The following CHCHD3 variants were observed in gnomAD, a reference collection of about 807,000 sequenced individuals.
CHCHD3 encodes coiled-coil-helix-coiled-coil-helix domain containing 3.
CHCHD3 carries 20 observed loss-of-function variants against 38.2 expected under a neutral mutation model. The ratio of observed to expected loss-of-function variants is 0.52; its 90% CI spans 0.37 to 0.76. CHCHD3 has a LOEUF of 0.76. Ranked by LOEUF, CHCHD3 falls within the 30% of genes least tolerant of loss-of-function variation. CHCHD3 has a pLI of 0.00. For missense variants in CHCHD3, 245 were observed against 279.2 expected, an observed-to-expected ratio of 0.88 and a Z score of 0.87; for synonymous variants, 82 against 100.0, an observed-to-expected ratio of 0.82 and a Z score of 1.07.
intron 3 of CHCHD3, among the ~76,000 whole-genome samples, chr7:133,012,720 C>A (rs930247588): frequency 6.7e-6 from 1 of 149,940 alleles, no homozygotes; most frequent in Admixed American, 6.7e-5. Flanking sequence ...GCTGAGATTG[C>A]ACCACTGCAC....
chr7:132,985,751 C>T lies in CHCHD3; in HGVS notation c.252-10465G>A, dbSNP rs1421380838. Among the ~76,000 whole-genome samples the T allele has an allele frequency of 7.5e-5, 7 of 93,790 alleles. 2 individuals carry two copies. Among genetic ancestry groups the T allele is most frequent in the Non-Finnish European group, 1.4e-4 (6 of 44,130 alleles). 61.5% of individuals were successfully genotyped at this position (93,790 alleles called of 152,430 possible). A position where few individuals can be genotyped will look rare whatever the true frequency, so the allele number is the denominator to read the frequency against. On this transcript the variant is annotated intron_variant, in intron 3 of 7. Transcript: ENST00000262570. ...GAGGAGGGGAGGTCAGCCCCCCACC[C>T]GGCCAGCCACCCCGTCCGGGAGGGA...
chr7:133,060,776 G>A (rs2117519504), intron 2 of CHCHD3, among the ~76,000 whole-genome samples: 1 of 152,282 alleles, frequency 6.6e-6, no homozygotes, highest in East Asian at 1.9e-4. Context: ...CAGGCGTGGT[G>A]GCGGGAGCCT....
chr7:133,027,947 A>C (rs1813392398), intron 2 of CHCHD3, among the ~76,000 whole-genome samples: 1 of 152,170 alleles, frequency 6.6e-6, no homozygotes, highest in African/African-American at 2.4e-5. Context: ...TCCCCACCTA[A>C]AAATATGACA....
At chr7:132,821,794 C>T (rs577343473) in intron 6 of CHCHD3, among the ~76,000 whole-genome samples, 1 of 121,154 alleles carries the variant, frequency 8.3e-6, no homozygotes, top group East Asian at 2.5e-4. Context: ...CTCGCTCTGT[C>T]GTCCAGGCCG....
intron 6 of CHCHD3, among the ~76,000 whole-genome samples, chr7:132,827,764 A>G (rs1295679340): frequency 1.3e-5 from 2 of 152,224 alleles, no homozygotes; most frequent in Non-Finnish European, 2.9e-5. Flanking sequence ...CGTTTAAATG[A>G]ACCACATAGG....
In CHCHD3 at chr7:133,082,015, G is replaced by C; in HGVS notation, c.-78C>G. On this transcript the variant is annotated 5_prime_UTR_variant, in exon 1 of 8. Coordinates refer to ENST00000262570, the MANE Select transcript of CHCHD3 (RefSeq NM_017812.4). ...GGGCCCCCGCACCCACACGCGCGTGGAAGGGCCTGGATTCTTTTCCCGCAC... is the reference window on the plus strand; with the variant it reads ...GGGCCCCCGCACCCACACGCGCGTGCAAGGGCCTGGATTCTTTTCCCGCAC... The C allele has an allele frequency of 7.8e-7, 1 of 1,289,508 alleles. No individual in the cohort carries two copies. The highest frequency in any genetic ancestry group is 1.5e-5 in the South Asian group (1 of 68,256). The allele number at this position is 1,289,508 out of a possible 1,614,324, so 79.9% of individuals were successfully genotyped here. A position where few individuals can be genotyped will look rare whatever the true frequency, so the allele number is the denominator to read the frequency against.
At chr7:132,995,827 A>C (rs538596335) in intron 3 of CHCHD3, among the ~76,000 whole-genome samples, 1 of 152,284 alleles carries the variant, frequency 6.6e-6, no homozygotes, top group South Asian at 2.1e-4. Flanking sequence ...TACCATTTAA[A>C]CTAAAAACTA....
intron 4 of CHCHD3, among the ~76,000 whole-genome samples, chr7:132,894,645 G>A (rs1809448101): frequency 6.6e-6 from 1 of 152,188 alleles, no homozygotes; most frequent in Non-Finnish European, 1.5e-5. Context: ...TTTGGCTCAA[G>A]CTAGATCTGT....
intron 2 of CHCHD3, among the ~76,000 whole-genome samples, chr7:133,066,232 A>C (rs1405929816): frequency 6.7e-6 from 1 of 149,866 alleles, no homozygotes; most frequent in Non-Finnish European, 1.5e-5. Context: ...TTCTAGCCTG[A>C]CCACTAAAAC....
intron 2 of CHCHD3, among the ~76,000 whole-genome samples, chr7:133,038,248 C>T (rs953332235): frequency 6.6e-6 from 1 of 152,064 alleles, no homozygotes; most frequent in African/African-American, 2.4e-5. Flanking sequence ...TACAATCAAA[C>T]ATCTGTATTA....
chr7:132,813,821 T>C (rs75639679), intron 6 of CHCHD3, among the ~76,000 whole-genome samples: 5 of 152,288 alleles, frequency 3.3e-5, no homozygotes, highest in African/African-American at 9.6e-5. Context: ...GTGTTTTTGA[T>C]GAAGGGATTA....
intron 3 of CHCHD3, among the ~76,000 whole-genome samples, chr7:132,999,428 C>A (rs2117388087): frequency 6.6e-6 from 1 of 152,252 alleles, no homozygotes; most frequent in Middle Eastern, 3.4e-3. Context: ...TTATTGAGCA[C>A]CTACAATGTT....
At chr7:132,974,702 C>T (rs754364154) in intron 4 of CHCHD3, among the ~76,000 whole-genome samples, 5 of 152,016 alleles carry the variant, frequency 3.3e-5, no homozygotes, top group Admixed American at 2.0e-4. Context: ...AGTGAAACCC[C>T]GTCTCTACTA....
chr7:132,982,412 G>C (rs1332730765), intron 3 of CHCHD3, among the ~76,000 whole-genome samples: 8 of 152,114 alleles, frequency 5.3e-5, no homozygotes, highest in Non-Finnish European at 1.0e-4. Context: ...AGTCTCCCAA[G>C]TAGCTGGGAT....
At chr7:132,820,499 A>G (rs1369183682) in intron 6 of CHCHD3, among the ~76,000 whole-genome samples, 1 of 151,608 alleles carries the variant, frequency 6.6e-6, no homozygotes, top group Non-Finnish European at 1.5e-5. Flanking sequence ...ATAGGAATTT[A>G]TCTCCTTTCA....
intron 5 of CHCHD3, among the ~76,000 whole-genome samples, chr7:132,849,837 T>C (rs933392267): frequency 5.3e-5 from 8 of 152,164 alleles, no homozygotes; most frequent in African/African-American, 1.9e-4. Context: ...TCTTGGGACA[T>C]AAGCTGACCT....
chr7:133,078,378 CAT>C (rs1168547606), intron 1 of CHCHD3, among the ~76,000 whole-genome samples: 1 of 152,136 alleles, frequency 6.6e-6, no homozygotes, highest in Non-Finnish European at 1.5e-5. Context: ...ATTCTTTATA[CAT>C]TAAGATAAAT....
At chr7:133,042,448 A>G (rs1367683327) in intron 2 of CHCHD3, among the ~76,000 whole-genome samples, 2 of 152,046 alleles carry the variant, frequency 1.3e-5, no homozygotes, top group Non-Finnish European at 2.9e-5. Context: ...GCAACCTTTT[A>G]CTCAAACCAT....
In CHCHD3 at chr7:132,876,451, C is replaced by G. The variant is rs187013674; in HGVS notation, c.453+9211G>C. Reference sequence around the variant, plus strand: ...CCCTTGATTTCACAATGCTTTATTTCTTACCTTGTCTTTACATATTCAAGT... The same window carrying G: ...CCCTTGATTTCACAATGCTTTATTTGTTACCTTGTCTTTACATATTCAAGT... On this transcript the variant is annotated intron_variant, in intron 5 of 7. Coordinates refer to ENST00000262570, the MANE Select transcript of CHCHD3 (RefSeq NM_017812.4). 7.8e-4 allele frequency among the ~76,000 whole-genome samples: 119 copies of G among 152,302 alleles called. 1 individual carries two copies. The East Asian group carries it at 0.022, about 29-fold the overall frequency.
Sources: allele counts gnomAD v4.1 joint callset (sites outside exome capture counted in the v4.1 genomes callset), GRCh38; gene constraint gnomAD v4.1.1; transcripts MANE v1.5; gene names NCBI Gene and HGNC (gene_info 2026-07-23, HGNC 2026-07-21).